The following ZFHX3 variants were observed in gnomAD, a reference collection of about 807,000 sequenced individuals.
ZFHX3 encodes zinc finger homeobox protein 3.
In ZFHX3, 42 loss-of-function variants were observed where a neutral mutation model predicts 279.1. The ratio of observed to expected loss-of-function variants is 0.15; its 90% CI spans 0.12 to 0.19. The LOEUF (loss-of-function observed/expected upper bound fraction) is 0.19. Ranked by LOEUF, ZFHX3 falls within the 10% of genes least tolerant of loss-of-function variation. The pLI, the probability that ZFHX3 is intolerant of heterozygous loss-of-function variation, is 1.00. For synonymous variants in ZFHX3, 2,293 were observed against 1,957.8 expected (o/e 1.17, Z -4.52); for missense variants, 4,981 against 4,754.0 (o/e 1.05, Z -1.40).
intron 3 of ZFHX3, among the ~76,000 whole-genome samples, chr16:72,910,642 T>G (rs560761479): frequency 1.2e-4 from 19 of 152,306 alleles, no homozygotes; most frequent in Non-Finnish European, 2.4e-4. Context: ...AGGAGAGAGA[T>G]AATCTAGAGA....
intron 3 of ZFHX3, 136 bp downstream of exon 3, chr16:72,950,333 A>G: frequency 3.6e-6 from 5 of 1,370,408 alleles, no homozygotes; most frequent in East Asian, 4.8e-5. Flanking sequence ...TCTCCTCTCA[A>G]CTCCAGGTTC....
chr16:73,869,721 AAT>A (rs1200336190), intron 1 of ZFHX3, among the ~76,000 whole-genome samples: 4 of 152,210 alleles, frequency 2.6e-5, no homozygotes, highest in Non-Finnish European at 5.9e-5. Flanking sequence ...CAACTACCCC[AAT>A]ATAAAGCTGT....
At chr16:73,445,530 G>C (rs1354524558) in intron 3 of ZFHX3, among the ~76,000 whole-genome samples, 1 of 152,090 alleles carries the variant, frequency 6.6e-6, no homozygotes, top group Non-Finnish European at 1.5e-5. Context: ...GGAACTATCT[G>C]AGCAGCCCTG....
At chr16:72,880,542 G>T (rs1238094990) in intron 4 of ZFHX3, among the ~76,000 whole-genome samples, 1 of 152,186 alleles carries the variant, frequency 6.6e-6, no homozygotes, top group East Asian at 1.9e-4. Flanking sequence ...TTAGCGTCCA[G>T]AACTGTGAGA....
intron 3 of ZFHX3, 121 bp downstream of exon 3, chr16:72,950,348 C>T: frequency 6.8e-7 from 1 of 1,472,988 alleles, no homozygotes; most frequent in Non-Finnish European, 9.1e-7. Context: ...AGGTTCCCAA[C>T]CAACAGCCAA....
At chr16:73,461,678 A>G (rs1048795956) in intron 2 of ZFHX3, among the ~76,000 whole-genome samples, 2 of 152,208 alleles carry the variant, frequency 1.3e-5, no homozygotes, top group Non-Finnish European at 1.5e-5. Context: ...TACCTTTGTC[A>G]AAAATCATTT....
At position 72,786,933 on chromosome 16, in the gene ZFHX3, GCTTT is replaced by G; in HGVS notation, c.*227_*230del. 1 of 304,438 alleles carries G rather than the reference GCTTT, an allele frequency of 3.3e-6. No individual in the cohort carries two copies. Among genetic ancestry groups the G allele is most frequent in the Admixed American group, 5.4e-5 (1 of 18,374 alleles). 18.9% of individuals were successfully genotyped at this position (304,438 alleles called of 1,614,324 possible). ...AAGGACACAATGTAACAGGGTTAGG[GCTTT>G]TTTTTTTTTTTTAATATTAAAAGAA... On this transcript the variant is annotated 3_prime_UTR_variant, in exon 10 of 10. Coordinates refer to ENST00000268489, the MANE Select transcript of ZFHX3 (RefSeq NM_006885.4).
intron 2 of ZFHX3, among the ~76,000 whole-genome samples, chr16:73,610,902 G>A (rs753919081): frequency 2.3e-4 from 35 of 152,228 alleles, no homozygotes; most frequent in Non-Finnish European, 4.6e-4. Flanking sequence ...TGTATTTCAG[G>A]GCTTAGGACA....
At chr16:73,682,458 G>C (rs1291022853) in intron 1 of ZFHX3, among the ~76,000 whole-genome samples, 1 of 152,056 alleles carries the variant, frequency 6.6e-6, no homozygotes, top group African/African-American at 2.4e-5. Context: ...TCACCATCTA[G>C]ACAAACCATA....
chr16:72,864,315 C>A (rs2037960821), intron 4 of ZFHX3, among the ~76,000 whole-genome samples: 1 of 152,096 alleles, frequency 6.6e-6, no homozygotes, highest in African/African-American at 2.4e-5. Flanking sequence ...CACCATGTCT[C>A]TAGGGCTTTG....
chr16:72,960,317 AACACAGAG>A, intron 1 of ZFHX3, 123 bp from the exon 2 acceptor site: 2 of 691,370 alleles, frequency 2.9e-6, no homozygotes, highest in Middle Eastern at 4.2e-4. Context: ...TTCTGTCCAC[AACACAGAG>A]ACACAGGGCG....
chr16:73,624,035 C>T (rs9929523), intron 2 of ZFHX3, among the ~76,000 whole-genome samples: 3,761 of 152,246 alleles, frequency 0.025, 174 homozygotes, highest in African/African-American at 0.086. Flanking sequence ...TAGTTGCATC[C>T]GTCCAACCAT....
At chr16:72,942,422 G>T (rs930631672) in intron 3 of ZFHX3, among the ~76,000 whole-genome samples, 2 of 152,170 alleles carry the variant, frequency 1.3e-5, no homozygotes, top group Admixed American at 6.5e-5. Context: ...CTGGATGGGT[G>T]GGGGGTAGGT....
At chr16:72,969,260 G>C (rs1454805529) in intron 1 of ZFHX3, among the ~76,000 whole-genome samples, 2 of 152,106 alleles carry the variant, frequency 1.3e-5, no homozygotes, top group African/African-American at 4.8e-5. Flanking sequence ...GGTGTAGAGA[G>C]ACAAAAACTG....
intron 1 of ZFHX3, among the ~76,000 whole-genome samples, chr16:73,838,371 A>G (rs568336110): frequency 6.6e-6 from 1 of 152,308 alleles, no homozygotes; most frequent in South Asian, 2.1e-4. Flanking sequence ...GGATTCTAAT[A>G]AAGTTAGGTA....
chr16:72,941,666 T>C (rs1478322630), intron 3 of ZFHX3, among the ~76,000 whole-genome samples: 2 of 152,064 alleles, frequency 1.3e-5, no homozygotes, highest in African/African-American at 4.8e-5. Context: ...TTTTTTTTAA[T>C]GTCATATAAA....
At chr16:73,251,703 ACACACACATACACAC>A (rs2013494726) in intron 5 of ZFHX3, among the ~76,000 whole-genome samples, 1 of 129,720 alleles carries the variant, frequency 7.7e-6, no homozygotes, top group African/African-American at 2.5e-5. Context: ...ACACACATGC[ACACACACATACACAC>A]CACACACGCA....
intron 5 of ZFHX3, chr16:73,232,101 T>C (rs1404560424): frequency 6.6e-6 from 1 of 152,142 alleles, no homozygotes; most frequent in Non-Finnish European, 1.5e-5. Flanking sequence ...GAAATGAGAA[T>C]ACAGGACCCC....
intron 3 of ZFHX3, among the ~76,000 whole-genome samples, chr16:73,412,054 C>T (rs181272830): frequency 5.9e-5 from 9 of 152,330 alleles, no homozygotes; most frequent in African/African-American, 1.7e-4. Context: ...CAGCCAGGAT[C>T]TGTGGCTTAT....
Sources: gnomAD v4.1 joint callset for allele counts (sites outside exome capture counted in the v4.1 genomes callset) on GRCh38, gnomAD v4.1.1 for gene constraint, MANE v1.5 for transcripts, NCBI Gene and HGNC (gene_info 2026-07-23, HGNC 2026-07-21) for gene names.